The following EEIG1 variants were observed in gnomAD, a reference collection of about 807,000 sequenced individuals.
EEIG1 encodes the protein early estrogen-induced gene 1 protein.
At chr9:127,980,482 G>C in the EEIG1 span, 1 of 170,002 alleles carries the variant, frequency 5.9e-6, no homozygotes, top group South Asian at 1.8e-4. Flanking sequence ...AGCATCCCGA[G>C]ACGCGATGTC....
At chr9:127,960,531 G>A in the EEIG1 span, among the ~76,000 whole-genome samples, 1 of 152,164 alleles carries the variant, frequency 6.6e-6, no homozygotes, top group Non-Finnish European at 1.5e-5. Context: ...GGAGGCCCAA[G>A]CTTGAAAGGG....
At chr9:127,965,672 C>T in the EEIG1 span, among the ~76,000 whole-genome samples, 1 of 152,214 alleles carries the variant, frequency 6.6e-6, no homozygotes, top group African/African-American at 2.4e-5. Flanking sequence ...ATCAGAGTTC[C>T]CGGCTGATGA....
At chr9:127,964,131 C>CA in the EEIG1 span, among the ~76,000 whole-genome samples, 1 of 152,166 alleles carries the variant, frequency 6.6e-6, no homozygotes, top group Non-Finnish European at 1.5e-5. Flanking sequence ...GAGGAGAGGC[C>CA]ACCAAGTGAC....
chr9:127,949,126 T>C, the EEIG1 span, among the ~76,000 whole-genome samples: 24 of 151,962 alleles, frequency 1.6e-4, 1 homozygote, highest in South Asian at 4.0e-3. Flanking sequence ...CCATCCTGGC[T>C]AACACGGTGA....
chr9:127,940,655 A>G, the EEIG1 span: 3 of 152,150 alleles, frequency 2.0e-5, no homozygotes, highest in African/African-American at 7.2e-5. Flanking sequence ...TCCCCTAACA[A>G]TGTTATTTTC....
chr9:127,949,004 T>C, the EEIG1 span, among the ~76,000 whole-genome samples: 1 of 152,172 alleles, frequency 6.6e-6, no homozygotes, highest in Admixed American at 6.5e-5. Flanking sequence ...TCACCACTTA[T>C]GAAAGGGTGA....
the EEIG1 span, among the ~76,000 whole-genome samples, chr9:127,952,323 G>A: frequency 2.0e-5 from 3 of 152,240 alleles, 1 homozygote; most frequent in East Asian, 1.9e-4. Context: ...CGCCTCCCTC[G>A]GGTGAGAGGT....
At chr9:127,945,802 G>T in the EEIG1 span, 2 of 1,277,470 alleles carry the variant, frequency 1.6e-6, no homozygotes, top group Non-Finnish European at 2.2e-6. The surrounding 1 kb of genome is among the most constrained non-coding windows in gnomAD (Gnocchi z 6.5). Flanking sequence ...GTCACCCAGT[G>T]CTGCTCACTG....
the EEIG1 span, among the ~76,000 whole-genome samples, chr9:127,962,520 G>T: frequency 1.3e-5 from 2 of 152,240 alleles, no homozygotes; most frequent in East Asian, 3.9e-4. Context: ...GGAGGGCCCA[G>T]GGTCCTCAGA....
At chr9:127,963,913 G>A in the EEIG1 span, among the ~76,000 whole-genome samples, 5 of 152,230 alleles carry the variant, frequency 3.3e-5, no homozygotes, top group East Asian at 1.9e-4. Context: ...CTACAAGGGC[G>A]GTGAACAGAG....
chr9:127,949,451 C>A, the EEIG1 span, among the ~76,000 whole-genome samples: 59 of 152,164 alleles, frequency 3.9e-4, no homozygotes, highest in Non-Finnish European at 8.4e-4. Context: ...AAGTGACTCC[C>A]AAGACCTTGC....
At chr9:127,957,477 G>T in the EEIG1 span, among the ~76,000 whole-genome samples, 1 of 152,228 alleles carries the variant, frequency 6.6e-6, no homozygotes, top group South Asian at 2.1e-4. Context: ...TAAATAAATG[G>T]AAAGACATCC....
the EEIG1 span, among the ~76,000 whole-genome samples, chr9:127,967,772 TG>T: frequency 2.1e-4 from 32 of 152,322 alleles, no homozygotes; most frequent in Admixed American, 1.6e-3. Flanking sequence ...GTCGCAGTTC[TG>T]TCCCTGTCTC....
the EEIG1 span, chr9:127,948,046 G>C: frequency 6.3e-7 from 1 of 1,598,416 alleles, no homozygotes; most frequent in East Asian, 2.2e-5. Context: ...TAGCAGGGGA[G>C]GGGCGGACAG....
the EEIG1 span, among the ~76,000 whole-genome samples, chr9:127,972,238 G>C: frequency 3.3e-5 from 5 of 152,106 alleles, no homozygotes; most frequent in Admixed American, 2.6e-4. The surrounding 1 kb of genome is among the most constrained non-coding windows in gnomAD (Gnocchi z 4.3). Flanking sequence ...GCCAACAAGG[G>C]ACAAGAAAAC....
chr9:127,947,947 A>C, the EEIG1 span: 1 of 1,129,080 alleles, frequency 8.9e-7, no homozygotes, highest in Non-Finnish European at 1.3e-6. Flanking sequence ...CAGCAGGAGC[A>C]TGCAAACACC....
At chr9:127,950,506 C>T in the EEIG1 span, 1 of 1,614,012 alleles carries the variant, frequency 6.2e-7, no homozygotes, top group Non-Finnish European at 8.5e-7. Flanking sequence ...CCCGAGCCCG[C>T]AAACTCGGCC....
At chr9:127,953,506 G>A in the EEIG1 span, 8 of 1,439,594 alleles carry the variant, frequency 5.6e-6, no homozygotes, top group Admixed American at 1.0e-4. Context: ...GGGGCTGGAG[G>A]CTTCCCTTGT....
At chr9:127,971,217 G>C in the EEIG1 span, among the ~76,000 whole-genome samples, 1 of 152,188 alleles carries the variant, frequency 6.6e-6, no homozygotes, top group East Asian at 1.9e-4. Context: ...GCTGGGTAGG[G>C]AGCCCTCCTG....
Sources: allele counts gnomAD v4.1 joint callset (sites outside exome capture counted in the v4.1 genomes callset), GRCh38; gene constraint gnomAD v4.1.1; non-coding constraint Gnocchi (gnomAD v3.1); transcripts MANE v1.5; gene names NCBI Gene and HGNC (gene_info 2026-07-23, HGNC 2026-07-21).